The following EPHA5 variants were observed in gnomAD, a reference collection of about 807,000 sequenced individuals.
The protein encoded by EPHA5 is ephrin type-A receptor 5.
A neutral mutation model predicts 105.0 loss-of-function variants in EPHA5; 60 were observed. The ratio of observed to expected loss-of-function variants is 0.57; its 90% CI spans 0.46 to 0.71. EPHA5 has a LOEUF of 0.71. Among genes scored for constraint, EPHA5 ranks in the 30% least tolerant of loss-of-function variants. The pLI is 0.00. For synonymous variants in EPHA5, 513 were observed against 449.1 expected, an observed-to-expected ratio of 1.14 and a Z score of -1.80; for missense variants, 1,218 against 1,274.7, an observed-to-expected ratio of 0.96 and a Z score of 0.68.
At chr4:65,446,844 A>G (rs1289313815) in intron 5 of EPHA5, among the ~76,000 whole-genome samples, 1 of 152,212 alleles carries the variant, frequency 6.6e-6, no homozygotes, top group Non-Finnish European at 1.5e-5. Context: ...TAATAACAAA[A>G]GCAGGGACAA....
At position 65,324,057 on chromosome 4, in the gene EPHA5, CAG is replaced by C. The variant is rs1397564387; in HGVS notation, c.*55_*56del. 7 of 1,126,206 alleles carry C rather than the reference CAG, an allele frequency of 6.2e-6. No homozygotes were observed. The Admixed American group carries it at 9.2e-5, about 15-fold the overall frequency. The allele number at this position is 1,126,206 out of a possible 1,614,324, so 69.8% of individuals were successfully genotyped here. On this transcript the variant is annotated 3_prime_UTR_variant, in exon 17 of 17. Coordinates refer to ENST00000613740, the MANE Select transcript of EPHA5 (RefSeq NM_001281766.3). ...CCCCTTTTTTTGTTAAAATAAATCT[CAG>C]TGCTGTTTACAAAGTGCAGAATCAT...
chr4:65,453,629 C>T (rs1450175203), intron 5 of EPHA5, among the ~76,000 whole-genome samples: 1 of 152,128 alleles, frequency 6.6e-6, no homozygotes, highest in East Asian at 1.9e-4. Flanking sequence ...GGAAGAATGT[C>T]TCAAGTAAGC....
intron 5 of EPHA5, among the ~76,000 whole-genome samples, chr4:65,447,334 C>A (rs1726648789): frequency 6.6e-6 from 1 of 151,942 alleles, no homozygotes; most frequent in South Asian, 2.1e-4. Flanking sequence ...AATGTTACTG[C>A]ATTCAATATA....
chr4:65,351,597 T>C lies in EPHA5; in HGVS notation c.2237A>G (p.Lys746Arg). ...ENGSLDTFLK[K>R]NDGQFTVIQL... Reference sequence around the variant, plus strand: ...AATCACAGTGAACTGCCCATCGTTTTTCTGTAAAGACAATGTAGAAATATT... The same window carrying C: ...AATCACAGTGAACTGCCCATCGTTTCTCTGTAAAGACAATGTAGAAATATT... The change falls in exon 13 of 17, where the codon AAA becomes AGA. Residue 746 changes from lysine to arginine, a missense_variant and splice_region_variant. Around this residue, in one of 3 missense-constraint regions of EPHA5, gnomAD observed 971 missense variants for 1,013.5 expected, o/e 0.96. Transcript: ENST00000613740. 1 of 1,613,348 alleles carries C rather than the reference T, an allele frequency of 6.2e-7. No homozygotes were observed. Among genetic ancestry groups the C allele is most frequent in the South Asian group, 1.1e-5 (1 of 91,058 alleles).
At chr4:65,572,035 T>C (rs1213603748) in intron 3 of EPHA5, among the ~76,000 whole-genome samples, 1 of 152,100 alleles carries the variant, frequency 6.6e-6, no homozygotes, top group East Asian at 1.9e-4. Context: ...TTAACAAAAA[T>C]ACTGTAATTG....
chr4:65,516,932 G>A (rs1030387444), intron 3 of EPHA5, among the ~76,000 whole-genome samples: 1 of 152,068 alleles, frequency 6.6e-6, no homozygotes, highest in Non-Finnish European at 1.5e-5. Context: ...ATCTACACTT[G>A]TAAAGAATGT....
At chr4:65,446,348 T>C (rs978735385) in intron 5 of EPHA5, among the ~76,000 whole-genome samples, 3 of 152,178 alleles carry the variant, frequency 2.0e-5, no homozygotes, top group Non-Finnish European at 4.4e-5. Flanking sequence ...AATCATTACT[T>C]TACTTAATAA....
intron 3 of EPHA5, among the ~76,000 whole-genome samples, chr4:65,544,729 T>A (rs1469975295): frequency 6.6e-6 from 1 of 152,054 alleles, no homozygotes; most frequent in Non-Finnish European, 1.5e-5. Flanking sequence ...TTACTGGGTA[T>A]ATACCCAAAG....
At chr4:65,493,424 T>C (rs1731614503) in intron 4 of EPHA5, among the ~76,000 whole-genome samples, 1 of 152,080 alleles carries the variant, frequency 6.6e-6, no homozygotes, top group East Asian at 1.9e-4. Context: ...GAGCTATAAA[T>C]TCAATTCCAA....
chr4:65,330,932 G>T, intron 16 of EPHA5: 4 of 1,041,564 alleles, frequency 3.8e-6, no homozygotes, highest in Non-Finnish European at 3.5e-6. Context: ...TGCTGAGAAT[G>T]TGACATTAAT....
chr4:65,555,486 C>T (rs1291353315), intron 3 of EPHA5, among the ~76,000 whole-genome samples: 1 of 151,338 alleles, frequency 6.6e-6, no homozygotes, highest in Non-Finnish European at 1.5e-5. Flanking sequence ...AGCTGTACTG[C>T]AAACACCCAT....
intron 1 of EPHA5, among the ~76,000 whole-genome samples, chr4:65,658,584 T>C (rs893582450): frequency 1.4e-4 from 21 of 152,126 alleles, no homozygotes; most frequent in African/African-American, 4.6e-4. Flanking sequence ...TATTATTTAC[T>C]ATATGCTAGA....
chr4:65,505,717 T>C (rs1236368589), intron 3 of EPHA5, among the ~76,000 whole-genome samples: 1 of 152,144 alleles, frequency 6.6e-6, no homozygotes, highest in African/African-American at 2.4e-5. Flanking sequence ...CCCGAATTTA[T>C]ACCTCTTTTC....
At chr4:65,580,506 A>C (rs1741506653) in intron 3 of EPHA5, among the ~76,000 whole-genome samples, 1 of 151,894 alleles carries the variant, frequency 6.6e-6, no homozygotes, top group African/African-American at 2.4e-5. Flanking sequence ...TTTGAAAAAC[A>C]TGATACTAAA....
At chr4:65,331,304 CT>C in intron 16 of EPHA5, 2 of 1,033,698 alleles carry the variant, frequency 1.9e-6, no homozygotes, top group Non-Finnish European at 2.3e-6. Context: ...ATACAAACAA[CT>C]TACAACCTTA....
Position 65,601,861 on chromosome 4 carries a change from A to T in EPHA5, c.690T>A (p.Tyr230Ter), listed in dbSNP as rs764464304. The T allele has an allele frequency of 6.2e-7, 1 of 1,614,146 alleles. No individual in the cohort carries two copies. Among genetic ancestry groups the T allele is most frequent in the South Asian group, 1.1e-5 (1 of 91,082 alleles). ...GTCGTACCACAGAAGGGCATTTTTTATAGTATACACGCACAGAAACCAGAG... is the reference window on the plus strand; with the variant it reads ...GTCGTACCACAGAAGGGCATTTTTTTTAGTATACACGCACAGAAACCAGAG... ...CIALVSVRVYYKKCPSVVRHL... is the reference protein window; with the variant it reads ...CIALVSVRVY Residue 230 changes from tyrosine (Y) to a stop codon, truncating the protein, a stop_gained, in exon 3 of 17, where the codon TAT becomes TAA. Transcript: ENST00000613740. LOFTEE classifies it high-confidence loss of function.
chr4:65,515,982 A>C (rs892782210), intron 3 of EPHA5, among the ~76,000 whole-genome samples: 1 of 152,066 alleles, frequency 6.6e-6, no homozygotes, highest in Non-Finnish European at 1.5e-5. Flanking sequence ...AGGCCTTTGG[A>C]CTTGGAGTAC....
At chr4:65,443,478 A>G (rs1726209392) in intron 5 of EPHA5, among the ~76,000 whole-genome samples, 1 of 151,978 alleles carries the variant, frequency 6.6e-6, no homozygotes, top group African/African-American at 2.4e-5. Flanking sequence ...CAATCACTGA[A>G]AGAGGCAGCT....
intron 3 of EPHA5, among the ~76,000 whole-genome samples, chr4:65,598,103 T>C (rs1191074040): frequency 6.6e-6 from 1 of 152,188 alleles, no homozygotes; most frequent in Non-Finnish European, 1.5e-5. Flanking sequence ...AATTCTAATA[T>C]AGTTTGGTTA....
Sources: allele counts gnomAD v4.1 joint callset (sites outside exome capture counted in the v4.1 genomes callset), GRCh38; gene constraint gnomAD v4.1.1; regional missense constraint gnomAD v4.1.1; transcripts MANE v1.5; gene names NCBI Gene and HGNC (gene_info 2026-07-23, HGNC 2026-07-21).